The following FAM53B variants were observed in gnomAD, a reference collection of about 807,000 sequenced individuals.
FAM53B encodes protein FAM53B.
A neutral mutation model predicts 32.7 loss-of-function variants in FAM53B; 12 were observed. The ratio of observed to expected loss-of-function variants is 0.37; its 90% CI spans 0.24 to 0.59. The LOEUF (loss-of-function observed/expected upper bound fraction) is 0.59, where lower values mean the gene tolerates loss of function less well. Among genes scored for constraint, FAM53B ranks in the 20% least tolerant of loss-of-function variants. The pLI is 0.72. For missense variants in FAM53B, 477 were observed against 577.7 expected, an observed-to-expected ratio of 0.83 and a Z score of 1.79; for synonymous variants, 234 against 228.7, an observed-to-expected ratio of 1.02 and a Z score of -0.21.
chr10:124,670,898 C>T (rs1271961172), intron 4 of FAM53B, among the ~76,000 whole-genome samples: 3 of 152,224 alleles, frequency 2.0e-5, no homozygotes, highest in Non-Finnish European at 2.9e-5. Flanking sequence ...ACATCCATCC[C>T]CCTTTCTGCA....
chr10:124,662,485 TCCATCCATC>T (rs1949639898), intron 4 of FAM53B, among the ~76,000 whole-genome samples: 1 of 73,126 alleles, frequency 1.4e-5, no homozygotes, highest in Non-Finnish European at 3.2e-5. Flanking sequence ...CATCCATCCA[TCCATCCATC>T]CATCCATCCA....
intron 1 of FAM53B, among the ~76,000 whole-genome samples, chr10:124,720,366 G>A (rs1007896639): frequency 2.0e-5 from 3 of 152,046 alleles, no homozygotes; most frequent in African/African-American, 7.2e-5. Flanking sequence ...CTCAGGAGGC[G>A]GAAGCAAGAG....
rs149167270 is a variant in FAM53B at position 124,690,263 on chromosome 10, C to A, written c.133+5895G>T. ...AGAGCATGAATGTGCATCCCAAGCACGTGACTCATCTCATGGGTTGTCACA... is the reference window on the plus strand; with the variant it reads ...AGAGCATGAATGTGCATCCCAAGCAAGTGACTCATCTCATGGGTTGTCACA... On this transcript the variant is annotated intron_variant, in intron 3 of 4. Transcript: ENST00000337318. Among the ~76,000 whole-genome samples the A allele has an allele frequency of 1.7e-3, 257 of 152,374 alleles. 3 individuals are homozygous for A. In the South Asian group the frequency reaches 0.022, roughly 13 times the overall value.
intron 1 of FAM53B, among the ~76,000 whole-genome samples, chr10:124,732,570 G>GT (rs1424566692): frequency 6.6e-6 from 1 of 152,168 alleles, no homozygotes; most frequent in East Asian, 1.9e-4. Flanking sequence ...TTTAAAAATT[G>GT]TTTTTTGGCC....
intron 4 of FAM53B, among the ~76,000 whole-genome samples, chr10:124,625,297 CTT>C (rs1331169520): frequency 2.6e-5 from 4 of 152,164 alleles, no homozygotes; most frequent in African/African-American, 9.7e-5. Flanking sequence ...TTTTTGGAAT[CTT>C]TTGATTAACT....
chr10:124,720,863 T>C (rs1302264003), intron 1 of FAM53B, among the ~76,000 whole-genome samples: 1 of 152,182 alleles, frequency 6.6e-6, no homozygotes, highest in Middle Eastern at 3.2e-3. Flanking sequence ...TATTAAAATA[T>C]CTTGATAAAA....
chr10:124,644,089 C>T (rs1310699618), intron 4 of FAM53B, among the ~76,000 whole-genome samples: 1 of 152,172 alleles, frequency 6.6e-6, no homozygotes, highest in African/African-American at 2.4e-5. Context: ...GCTCCCAGGG[C>T]ACCTGGTGGG....
At chr10:124,627,808 AGCCG>A (rs66510819) in intron 4 of FAM53B, among the ~76,000 whole-genome samples, 47,947 of 151,920 alleles carry the variant, frequency 0.32, 8,376 homozygotes, top group Non-Finnish European at 0.4. Context: ...AGCCTGCCCC[AGCCG>A]GCCTCCCTAG....
chr10:124,640,846 A>G lies in FAM53B; in HGVS notation c.907-17242T>C, dbSNP rs1949466221. Reference sequence around the variant, plus strand: ...GAGCGCAGGAAGAGAGGAGGAGGAAAAAGACAGCCCCCGCTGCGGCAGAGC... The same window carrying G: ...GAGCGCAGGAAGAGAGGAGGAGGAAGAAGACAGCCCCCGCTGCGGCAGAGC... On this transcript the variant is annotated intron_variant, in intron 4 of 4. Transcript: ENST00000337318. Among the ~76,000 whole-genome samples, 3 of 152,182 alleles carry G rather than the reference A, an allele frequency of 2.0e-5. No individual in the cohort carries two copies. In the South Asian group the frequency reaches 6.2e-4, roughly 32 times the overall value.
intron 1 of FAM53B, among the ~76,000 whole-genome samples, chr10:124,712,305 G>A (rs775565885): frequency 6.6e-6 from 1 of 151,906 alleles, no homozygotes; most frequent in Non-Finnish European, 1.5e-5. Flanking sequence ...GCAGTGAGCC[G>A]AGATTACACC....
rs759077580 is a variant in FAM53B at position 124,681,845 on chromosome 10, A to G, written c.668T>C (p.Leu223Pro). 3 of 1,612,358 alleles carry G rather than the reference A, an allele frequency of 1.9e-6. No individual in the cohort carries two copies. The highest frequency in any genetic ancestry group is 1.3e-5 in the African/African-American group (1 of 74,934). ...PDLHPVGGGRLDLQRSLSCSH... is the reference protein window; with the variant it reads ...PDLHPVGGGRPDLQRSLSCSH... ...GCAAGAGAGGGACCGCTGCAGGTCC[A>G]GCCGGCCTCCTCCCACGGGGTGCAG... Residue 223 changes from leucine (L) to proline (P), a missense_variant, in exon 4 of 5, where the codon CTG becomes CCG. Physicochemically the swap from Leu to Pro is moderately conservative, Grantham distance 98 (BLOSUM62 -3). Coordinates refer to ENST00000337318, the MANE Select transcript of FAM53B (RefSeq NM_014661.4).
At chr10:124,644,029 C>T (rs921087024) in intron 4 of FAM53B, among the ~76,000 whole-genome samples, 1 of 143,424 alleles carries the variant, frequency 7.0e-6, no homozygotes, top group Admixed American at 7.1e-5. Flanking sequence ...GCAAAACTGG[C>T]CTTGCTCCAA....
chr10:124,679,764 C>A (rs1949758119), intron 4 of FAM53B, among the ~76,000 whole-genome samples: 1 of 152,252 alleles, frequency 6.6e-6, no homozygotes, highest in African/African-American at 2.4e-5. Flanking sequence ...GGGAGGCCTG[C>A]CTGGGGCTGA....
chr10:124,725,862 T>A (rs1379830175), intron 1 of FAM53B, among the ~76,000 whole-genome samples: 2 of 151,860 alleles, frequency 1.3e-5, no homozygotes, highest in Non-Finnish European at 2.9e-5. Flanking sequence ...TAAGATGCAG[T>A]GGGAAAATGA....
intron 4 of FAM53B, among the ~76,000 whole-genome samples, chr10:124,649,748 AGT>A (rs1363548511): frequency 6.6e-6 from 1 of 152,224 alleles, no homozygotes; most frequent in Non-Finnish European, 1.5e-5. Flanking sequence ...CACACTGGGA[AGT>A]GTGCACTTGA....
intron 3 of FAM53B, among the ~76,000 whole-genome samples, chr10:124,694,998 G>A (rs1236800911): frequency 6.6e-6 from 1 of 152,210 alleles, no homozygotes; most frequent in Non-Finnish European, 1.5e-5. Context: ...TGTGAATGAT[G>A]CCACTGGCAG....
Position 124,623,348 on chromosome 10 carries a change from C to T in FAM53B, c.1163G>A (p.Gly388Asp), listed in dbSNP as rs1163744973. The change falls in exon 5 of 5, where the codon GGC (glycine) becomes GAC (aspartate). Residue 388 changes from glycine to aspartate, a missense_variant. By Grantham distance (94) the Gly-to-Asp change is moderately conservative. Transcript: ENST00000337318. ...SDSCALDEDC[G>D]RRAEPAAAWR... ...GGCTGCAGCCGGCTCCGCTCTCCTG[C>T]CACAATCCTCGTCCAGGGCGCAGCT... The T allele has an allele frequency of 1.2e-6, 2 of 1,612,656 alleles. No homozygotes were observed. The highest frequency in any genetic ancestry group is 1.7e-5 in the Admixed American group (1 of 60,010).
rs1798202379 is a variant in FAM53B, at chr10:124,651,917, C to T, written c.907-28313G>A. 6.6e-6 allele frequency among the ~76,000 whole-genome samples: 1 copy of T among 152,178 alleles called. No homozygotes were observed. The highest frequency in any genetic ancestry group is 1.5e-5 in the Non-Finnish European group (1 of 68,032). ...TTGCTTGCTGGTTCCTTTATTTGTC[C>T]CCCATCTGTGAAGCATCTGTGGTCC... On this transcript the variant is annotated intron_variant, in intron 4 of 4. Transcript: ENST00000337318. The surrounding 1 kb of genome is among the most constrained non-coding windows in gnomAD (Gnocchi z 5.2).
chr10:124,623,426 G>T lies in FAM53B; in HGVS notation c.1085C>A (p.Ser362Tyr). 6.2e-7 allele frequency: 1 copy of T among 1,605,094 alleles called. No individual in the cohort carries two copies. Among genetic ancestry groups the T allele is most frequent in the Middle Eastern group, 1.7e-4 (1 of 6,056 alleles). ...GTPVPEPLPPSFDDHLACQED... is the reference protein window; with the variant it reads ...GTPVPEPLPPYFDDHLACQED... The stretch of plus-strand genomic sequence containing the variant: ...CTGGCAGGCGAGGTGGTCGTCGAAG[G>T]AAGGGGGAAGAGGCTCAGGGACCGG... The change falls in exon 5 of 5, where the codon TCC (serine) becomes TAC (tyrosine). Residue 362 changes from serine (S) to tyrosine (Y), a missense_variant. By Grantham distance (144) the Ser-to-Tyr change is moderately radical (BLOSUM62 -2). Coordinates refer to ENST00000337318, the MANE Select transcript of FAM53B (RefSeq NM_014661.4).
Sources: gnomAD v4.1 joint callset for allele counts (sites outside exome capture counted in the v4.1 genomes callset) on GRCh38, gnomAD v4.1.1 for gene constraint, Gnocchi (gnomAD v3.1) non-coding constraint, MANE v1.5 for transcripts, NCBI Gene and HGNC (gene_info 2026-07-23, HGNC 2026-07-21) for gene names.